DOCK7: variants seen among roughly 807,000 people sequenced by gnomAD.
DOCK7 encodes dedicator of cytokinesis 7.
DOCK7 carries 138 observed loss-of-function variants against 271.0 expected under a neutral mutation model. The observed-to-expected ratio is 0.51, with a 90% confidence interval of 0.44 to 0.59. The LOEUF is 0.59. Ranked by LOEUF, DOCK7 falls within the 20% of genes least tolerant of loss-of-function variation. The pLI is 0.00. For synonymous variants in DOCK7, 823 were observed against 876.1 expected (o/e 0.94, Z 1.07); for missense variants, 2,066 against 2,592.4 (o/e 0.80, Z 4.41).
intron 34 of DOCK7, among the ~76,000 whole-genome samples, chr1:62,508,910 T>C (rs1433081204): frequency 1.3e-5 from 2 of 152,172 alleles, no homozygotes; most frequent in Admixed American, 1.3e-4. Context: ...ATACAGATAC[T>C]ATATATTACA....
chr1:62,598,648 A>G, intron 14 of DOCK7: 1 of 1,013,824 alleles, frequency 9.9e-7, no homozygotes, highest in Non-Finnish European at 1.6e-6. Flanking sequence ...AAATTAATAG[A>G]AAAGAAAGAG....
At chr1:62,554,067 G>A (rs550361560) in intron 21 of DOCK7, among the ~76,000 whole-genome samples, 74 of 152,196 alleles carry the variant, frequency 4.9e-4, no homozygotes, top group African/African-American at 1.7e-3. Context: ...TCTTTTAAAT[G>A]AGAGCATGTT....
rs1363672853 is a variant in DOCK7 at position 62,631,226 on chromosome 1, T to C, written c.1282+14A>G. ...AGTAAACATTTAGAAATGTTTTGTA[T>C]GAAACACTCTTACCTCCAGTACTGA... On this transcript the variant is annotated intron_variant, in intron 11 of 49. Transcript: ENST00000635253. 1 of 1,565,738 alleles carries C rather than the reference T, an allele frequency of 6.4e-7. No homozygotes were observed. Among genetic ancestry groups the C allele is most frequent in the Non-Finnish European group, 8.6e-7 (1 of 1,161,698 alleles).
At chr1:62,670,616 G>A (rs577575851) in intron 1 of DOCK7, among the ~76,000 whole-genome samples, 90 of 152,228 alleles carry the variant, frequency 5.9e-4, no homozygotes, top group African/African-American at 2.1e-3. Context: ...TGCACCAATC[G>A]ACACTCTGTA....
Position 62,503,987 on chromosome 1 carries a change from C to T in DOCK7, c.4764+643G>A, listed in dbSNP as rs988738064. 4.0e-5 allele frequency among the ~76,000 whole-genome samples: 6 copies of T among 150,578 alleles called. No individual in the cohort carries two copies. The East Asian group carries it at 1.2e-3, about 30-fold the overall frequency. ...GCGTGAACCCAGGAGGCGGAGCTTG[C>T]AGTGAGCCAAGATCACGCCACTGCA... is the stretch of plus-strand genomic sequence containing the variant. On this transcript the variant is annotated intron_variant, in intron 37 of 49. Transcript: ENST00000635253.
At chr1:62,634,690 T>C in intron 9 of DOCK7, 83 bp downstream of exon 9, 1 of 1,374,538 alleles carries the variant, frequency 7.3e-7, no homozygotes, top group Non-Finnish European at 1.0e-6. Flanking sequence ...AGGTCAAATC[T>C]TTGCCCTTGA....
At chr1:62,464,920 A>G (rs1482258904) in intron 48 of DOCK7, among the ~76,000 whole-genome samples, 1 of 152,234 alleles carries the variant, frequency 6.6e-6, no homozygotes, top group Non-Finnish European at 1.5e-5. Context: ...AAATTTTAAA[A>G]AGAAAAAGAT....
In DOCK7 at chr1:62,481,180, C is replaced by T. The variant is rs146998733; in HGVS notation, c.5509-3355G>A. The stretch of plus-strand genomic sequence containing the variant: ...AGTGCAAAGATCAGGAGGCTAAAGC[C>T]TACCGAGTGTGTTTGAGGAACAGGA... On this transcript the variant is annotated intron_variant, in intron 43 of 49. Coordinates refer to ENST00000635253, the MANE Select transcript of DOCK7 (RefSeq NM_001367561.1). Among the ~76,000 whole-genome samples, 333 of 152,160 alleles carry T rather than the reference C, an allele frequency of 2.2e-3. 3 individuals carry two copies. The South Asian group carries it at 0.028, about 13-fold the overall frequency.
At chr1:62,687,814 G>C (rs913244425) in intron 1 of DOCK7, among the ~76,000 whole-genome samples, 1 of 152,176 alleles carries the variant, frequency 6.6e-6, no homozygotes, top group African/African-American at 2.4e-5. Flanking sequence ...GGCCAAGAGG[G>C]GTGGGCGGAG....
intron 1 of DOCK7, among the ~76,000 whole-genome samples, chr1:62,666,629 AAGTATGCAAGAAAGAAATGT>A (rs1659357080): frequency 6.6e-6 from 1 of 152,208 alleles, no homozygotes; most frequent in Non-Finnish European, 1.5e-5. Flanking sequence ...TCATGATCCA[AAGTATGCAAGAAAGAAATGT>A]TAATGAATAA....
chr1:62,591,516 C>T (rs1041167315), intron 14 of DOCK7, among the ~76,000 whole-genome samples: 36 of 152,018 alleles, frequency 2.4e-4, no homozygotes, highest in African/African-American at 8.7e-4. Context: ...TATTAATCTA[C>T]ATTAAAAAAT....
At chr1:62,535,423 G>A in intron 29 of DOCK7, 70 bp downstream of exon 29, 1 of 1,310,918 alleles carries the variant, frequency 7.6e-7, no homozygotes, top group South Asian at 1.4e-5. Flanking sequence ...CAGGAAATGT[G>A]AGTGGAATAC....
chr1:62,680,564 T>C (rs1466936910), intron 1 of DOCK7, among the ~76,000 whole-genome samples: 2 of 151,850 alleles, frequency 1.3e-5, no homozygotes, highest in African/African-American at 4.8e-5. Flanking sequence ...AAAGAGCTTC[T>C]GCACAGCAAA....
At chr1:62,600,723 A>T (rs1445625733) in intron 14 of DOCK7, among the ~76,000 whole-genome samples, 1 of 151,772 alleles carries the variant, frequency 6.6e-6, no homozygotes, top group Non-Finnish European at 1.5e-5. Flanking sequence ...CTAAAACTGA[A>T]AATTATTAAA....
chr1:62,524,645 C>T (rs1268107895), intron 31 of DOCK7, among the ~76,000 whole-genome samples: 2 of 151,870 alleles, frequency 1.3e-5, no homozygotes, highest in Non-Finnish European at 2.9e-5. Flanking sequence ...TACCTATGAT[C>T]CCAGCACTTT....
chr1:62,601,343 C>T (rs1180533192), intron 14 of DOCK7: 4 of 646,376 alleles, frequency 6.2e-6, no homozygotes, highest in East Asian at 2.8e-5. Context: ...TCTTTTTACA[C>T]CCTATAAAAG....
rs1439958834 is a variant in DOCK7, at chr1:62,686,167, T to A, written c.38+2060A>T. On this transcript the variant is annotated intron_variant, in intron 1 of 49. Transcript: ENST00000635253. ...CATGTCAAGTAATAACTTTTTTTTT[T>A]TTTTTTTTTTTTTTTTTTTTTTTTT... 2.6e-3 allele frequency among the ~76,000 whole-genome samples: 6 copies of A among 2,348 alleles called. 1 individual carries two copies. The highest frequency in any genetic ancestry group is 2.7e-3 in the African/African-American group (6 of 2,212). 1.5% of individuals were successfully genotyped at this position (2,348 alleles called of 152,430 possible).
rs34404898 is a variant in DOCK7 at position 62,537,585 on chromosome 1, CA to C, written c.3471+305del. Reference sequence around the variant, plus strand: ...TGGGAGAAACAGCAAGACTCTGTCTCAAAAAAAAAAAAAAAAAAAGAACTTG... The same window carrying C: ...TGGGAGAAACAGCAAGACTCTGTCTCAAAAAAAAAAAAAAAAAAGAACTTG... On this transcript the variant is annotated intron_variant, in intron 28 of 49. Transcript: ENST00000635253. Among the ~76,000 whole-genome samples the C allele has an allele frequency of 0.93, 99,403 of 106,700 alleles. 46,313 individuals are homozygous for C. Among genetic ancestry groups the C allele is most frequent in the Middle Eastern group, 0.97 (225 of 232 alleles). The allele number at this position is 106,700 out of a possible 152,430, so 70.0% of individuals were successfully genotyped here.
intron 19 of DOCK7, 101 bp downstream of exon 19, chr1:62,561,516 T>G (rs530215234): frequency 8.8e-6 from 5 of 566,684 alleles, no homozygotes; most frequent in Non-Finnish European, 1.4e-5. Flanking sequence ...CTGACAGCAA[T>G]GACAGATTTA....
Sources: gnomAD v4.1 joint callset for allele counts (sites outside exome capture counted in the v4.1 genomes callset) on GRCh38, gnomAD v4.1.1 for gene constraint, MANE v1.5 for transcripts, NCBI Gene and HGNC (gene_info 2026-07-23, HGNC 2026-07-21) for gene names.